The following ZFYVE1 variants were observed in gnomAD, a reference collection of about 807,000 sequenced individuals.
The protein encoded by ZFYVE1 is zinc finger FYVE domain-containing protein 1.
ZFYVE1 carries 30 observed loss-of-function variants against 74.4 expected under a neutral mutation model. The observed-to-expected ratio is 0.40, with a 90% confidence interval of 0.30 to 0.55. The LOEUF (loss-of-function observed/expected upper bound fraction) is 0.55, where lower values mean the gene tolerates loss of function less well. Among genes scored for constraint, ZFYVE1 ranks in the 20% least tolerant of loss-of-function variants. The pLI, the probability that ZFYVE1 is intolerant of heterozygous loss-of-function variation, is 0.42. For synonymous variants in ZFYVE1, 335 were observed against 385.1 expected, an observed-to-expected ratio of 0.87 and a Z score of 1.52; for missense variants, 703 against 1,011.6, an observed-to-expected ratio of 0.69 and a Z score of 4.14.
intron 2 of ZFYVE1, among the ~76,000 whole-genome samples, chr14:73,022,899 G>A (rs1287109370): frequency 3.3e-5 from 5 of 151,878 alleles, no homozygotes; most frequent in East Asian, 1.9e-4. Context: ...CCAGCCAATC[G>A]CGCCTGTAAT....
intron 2 of ZFYVE1, among the ~76,000 whole-genome samples, chr14:73,020,628 A>G (rs1300860724): frequency 6.6e-6 from 1 of 152,220 alleles, no homozygotes; most frequent in Non-Finnish European, 1.5e-5. Context: ...ATGTGATTAC[A>G]GGCGTGAGCC....
chr14:73,011,427 C>T (rs1894089439), intron 2 of ZFYVE1, among the ~76,000 whole-genome samples: 1 of 152,096 alleles, frequency 6.6e-6, no homozygotes, highest in Admixed American at 6.6e-5. Context: ...GCGGAGGTTG[C>T]AGGGAGCTGA....
intron 2 of ZFYVE1, among the ~76,000 whole-genome samples, chr14:73,008,557 C>T (rs1441291031): frequency 2.0e-5 from 3 of 152,208 alleles, no homozygotes; most frequent in Admixed American, 6.5e-5. Flanking sequence ...ACATCCAACA[C>T]ACCCAGTTCA....
intron 4 of ZFYVE1, among the ~76,000 whole-genome samples, chr14:72,989,970 A>G (rs185266916): frequency 6.6e-4 from 100 of 152,306 alleles, no homozygotes; most frequent in African/African-American, 2.2e-3. Context: ...AAAACAAAAT[A>G]AAAACAAGTG....
At chr14:72,994,540 G>C (rs891056172) in intron 3 of ZFYVE1, among the ~76,000 whole-genome samples, 21 of 152,022 alleles carry the variant, frequency 1.4e-4, no homozygotes, top group Non-Finnish European at 2.8e-4. Flanking sequence ...ATGATACCTT[G>C]ATATGATACG....
chr14:72,970,870 A>T lies in ZFYVE1; in HGVS notation c.*12T>A, dbSNP rs376080586. ...CTAAGGAATTGTGAAGGACTCGGAG[A>T]GGGGGCTGGGGTTAAAGGTCACCGG... is the stretch of plus-strand genomic sequence containing the variant. On this transcript the variant is annotated 3_prime_UTR_variant, in exon 12 of 12. Coordinates refer to ENST00000556143, the MANE Select transcript of ZFYVE1 (RefSeq NM_021260.4). The T allele has an allele frequency of 6.2e-7, 1 of 1,612,948 alleles. No individual in the cohort carries two copies. Among genetic ancestry groups the T allele is most frequent in the African/African-American group, 1.3e-5 (1 of 74,878 alleles).
chr14:73,018,373 G>A (rs1222219731), intron 2 of ZFYVE1, among the ~76,000 whole-genome samples: 2 of 147,500 alleles, frequency 1.4e-5, no homozygotes, highest in African/African-American at 5.1e-5. Context: ...GGAGGTTGCA[G>A]TGAGGTGAGA....
chr14:73,006,540 T>A (rs8009829), intron 2 of ZFYVE1, among the ~76,000 whole-genome samples: 73,940 of 150,936 alleles, frequency 0.49, 18,669 homozygotes, highest in African/African-American at 0.59. Flanking sequence ...GCACCACTGC[T>A]CTCCAGCCTG....
intron 4 of ZFYVE1, among the ~76,000 whole-genome samples, chr14:72,992,170 A>G (rs1893628081): frequency 6.6e-6 from 1 of 152,120 alleles, no homozygotes; most frequent in South Asian, 2.1e-4. Context: ...CGGCCTCCCA[A>G]AGTGCTGGAA....
At chr14:73,010,424 A>C (rs971342400) in intron 2 of ZFYVE1, among the ~76,000 whole-genome samples, 9 of 152,168 alleles carry the variant, frequency 5.9e-5, no homozygotes, top group African/African-American at 2.2e-4. Context: ...CAACGTGGAG[A>C]AACCCCTTCT....
chr14:72,990,693 T>C (rs988482274), intron 4 of ZFYVE1, among the ~76,000 whole-genome samples: 15 of 78,808 alleles, frequency 1.9e-4, no homozygotes, highest in African/African-American at 6.7e-4. Flanking sequence ...CCTGGCCTTT[T>C]TTTTTTTTTT....
At position 73,024,758 on chromosome 14, in the gene ZFYVE1, G is replaced by C. The variant is rs1027113382; in HGVS notation, c.-250C>G. On this transcript the variant is annotated 5_prime_UTR_variant, in exon 2 of 12. Transcript: ENST00000556143. ...GTTTGATGGTTTCATCCTCCATAAA[G>C]TGCAAGCAAAGATGTGGTCAAAATT... is the stretch of plus-strand genomic sequence containing the variant. 2.2e-6 allele frequency: 1 copy of C among 464,846 alleles called. No homozygotes were observed. Among genetic ancestry groups the C allele is most frequent in the Non-Finnish European group, 3.7e-6 (1 of 273,578 alleles). 28.8% of individuals were successfully genotyped at this position (464,846 alleles called of 1,614,324 possible).
chr14:72,989,651 T>G (rs943740491), intron 4 of ZFYVE1, among the ~76,000 whole-genome samples: 2 of 152,122 alleles, frequency 1.3e-5, no homozygotes, highest in Non-Finnish European at 1.5e-5. Flanking sequence ...CTGACCTCTT[T>G]AGAAGCGAAA....
At chr14:72,981,175 G>GC (rs541483009) in intron 5 of ZFYVE1, among the ~76,000 whole-genome samples, 131 of 152,284 alleles carry the variant, frequency 8.6e-4, no homozygotes, top group Non-Finnish European at 1.5e-3. Context: ...AATGTCCTCA[G>GC]CTCGGGCTGC....
At chr14:73,000,973 T>TA (rs1421101653) in intron 2 of ZFYVE1, among the ~76,000 whole-genome samples, 1 of 152,240 alleles carries the variant, frequency 6.6e-6, no homozygotes. Context: ...CACGTGCTCT[T>TA]ACTTTGACCT....
Position 72,975,507 on chromosome 14 carries a change from G to T in ZFYVE1, c.1806+44C>A, listed in dbSNP as rs1893144845. ...CACAGGGCAAAGCGGCATTAAGTAGGATGGGCTGTGCCAGGAGTGGAGGGG... is the reference window on the plus strand; with the variant it reads ...CACAGGGCAAAGCGGCATTAAGTAGTATGGGCTGTGCCAGGAGTGGAGGGG... On this transcript the variant is annotated intron_variant, in intron 9 of 11. Coordinates refer to ENST00000556143, the MANE Select transcript of ZFYVE1 (RefSeq NM_021260.4). The surrounding 1 kb of genome is among the most constrained non-coding windows in gnomAD (Gnocchi z 4.1). 6.3e-7 allele frequency: 1 copy of T among 1,581,048 alleles called. No individual in the cohort carries two copies. The highest frequency in any genetic ancestry group is 1.8e-5 in the Admixed American group (1 of 54,740).
At chr14:72,991,432 G>A (rs937050254) in intron 4 of ZFYVE1, among the ~76,000 whole-genome samples, 2 of 151,972 alleles carry the variant, frequency 1.3e-5, no homozygotes, top group African/African-American at 2.4e-5. Context: ...CTCGTGATCC[G>A]CCCGCCTCGG....
At position 72,974,917 on chromosome 14, in the gene ZFYVE1, T is replaced by G; in HGVS notation, c.1849A>C (p.Lys617Gln). Residue 617 changes from lysine to glutamine, a missense_variant, in exon 10 of 12, where the codon AAG (lysine) becomes CAG (glutamine). This residue lies in a region of ZFYVE1 where 492 missense variants were observed against 790.0 expected (regional missense o/e 0.62). Transcript: ENST00000556143. ...TCCCCACAGGCTCGGCAGTGATGCT[T>G]AGTGTCGTTATCTTTAAAGGACGTC... is the stretch of plus-strand genomic sequence containing the variant. ...CATSFKDNDT[K>Q]HHCRACGEGF... The G allele has an allele frequency of 1.9e-6, 3 of 1,613,878 alleles. No homozygotes were observed. Among genetic ancestry groups the G allele is most frequent in the Non-Finnish European group, 2.5e-6 (3 of 1,179,832 alleles).
chr14:72,981,653 T>G lies in ZFYVE1; in HGVS notation c.1310+136A>C, dbSNP rs1056431262. 5.0e-6 allele frequency: 4 copies of G among 793,602 alleles called. No homozygotes were observed. The Admixed American group carries it at 9.0e-5, about 18-fold the overall frequency. The allele number at this position is 793,602 out of a possible 1,614,324, so 49.2% of individuals were successfully genotyped here. The stretch of plus-strand genomic sequence containing the variant: ...TGTGGGAACATGGGAGTGTACCATT[T>G]TGGATAATTTAAATCAGAACCTGTA... On this transcript the variant is annotated intron_variant, in intron 5 of 11. Coordinates refer to ENST00000556143, the MANE Select transcript of ZFYVE1 (RefSeq NM_021260.4).
Sources: gnomAD v4.1 joint callset for allele counts (sites outside exome capture counted in the v4.1 genomes callset) on GRCh38, gnomAD v4.1.1 for gene constraint, gnomAD v4.1.1 regional missense constraint, Gnocchi (gnomAD v3.1) non-coding constraint, MANE v1.5 for transcripts, NCBI Gene and HGNC (gene_info 2026-07-23, HGNC 2026-07-21) for gene names.